Variants in CPNE2 observed in about 807,000 individuals in gnomAD.
CPNE2 encodes copine-2.
CPNE2 carries 42 observed loss-of-function variants against 69.7 expected under a neutral mutation model. The ratio of observed to expected loss-of-function variants is 0.60; its 90% CI spans 0.47 to 0.78. The LOEUF (loss-of-function observed/expected upper bound fraction) is 0.78. CPNE2 is among the 30% of genes least tolerant of loss of function. The pLI, the probability that CPNE2 is intolerant of heterozygous loss-of-function variation, is 0.00. For synonymous variants in CPNE2, 294 were observed against 289.8 expected (o/e 1.01, Z -0.15); for missense variants, 587 against 732.0 (o/e 0.80, Z 2.29).
In CPNE2 at chr16:57,123,631, G is replaced by A. The variant is rs998734433; in HGVS notation, c.927+158G>A. Reference sequence around the variant, plus strand: ...GTGCGGCCTAGTGAGGAGGGCATAAGTGGGCTGTCTGGTCCTGCTGGGTGT... The same window carrying A: ...GTGCGGCCTAGTGAGGAGGGCATAAATGGGCTGTCTGGTCCTGCTGGGTGT... On this transcript the variant is annotated intron_variant, in intron 10 of 15. Coordinates refer to ENST00000290776, the MANE Select transcript of CPNE2 (RefSeq NM_152727.6). 5.4e-6 allele frequency: 4 copies of A among 746,132 alleles called. No homozygotes were observed. In the African/African-American group the frequency reaches 6.9e-5, roughly 13 times the overall value. The allele number at this position is 746,132 out of a possible 1,614,324, so 46.2% of individuals were successfully genotyped here.
intron 1 of CPNE2, among the ~76,000 whole-genome samples, chr16:57,099,599 G>A (rs2069599985): frequency 6.7e-6 from 1 of 149,868 alleles, no homozygotes; most frequent in African/African-American, 2.5e-5. Context: ...GGGGGTGGGT[G>A]CATAGTGCTT....
chr16:57,108,629 A>G (rs1597492147), intron 1 of CPNE2, among the ~76,000 whole-genome samples: 1 of 152,340 alleles, frequency 6.6e-6, no homozygotes, highest in East Asian at 1.9e-4. Flanking sequence ...CTGATGTCTC[A>G]TGGGCAGATG....
rs1364640904 is a variant in CPNE2, at chr16:57,137,784, C to A, written c.1302+502C>A. ...CTGGAATATATGGTAAGCAGCCATC[C>A]CAGGCATCTGCAACCGTGGTCTCCC... On this transcript the variant is annotated intron_variant, in intron 14 of 15. Transcript: ENST00000290776. Among the ~76,000 whole-genome samples the A allele has an allele frequency of 2.0e-5, 3 of 152,174 alleles. No individual in the cohort carries two copies. The South Asian group carries it at 6.2e-4, about 31-fold the overall frequency.
At chr16:57,102,201 C>T (rs1450458413) in intron 1 of CPNE2, among the ~76,000 whole-genome samples, 7 of 152,170 alleles carry the variant, frequency 4.6e-5, no homozygotes, top group African/African-American at 1.4e-4. Context: ...CCACCTGCCT[C>T]GGCCTCCCAA....
In CPNE2 at chr16:57,094,968, G is replaced by A. The variant is rs141146761; in HGVS notation, c.-36+2178G>A. On this transcript the variant is annotated intron_variant, in intron 1 of 15. Transcript: ENST00000290776. ...AGCAGGAGGCATCATCGCCAGGCAC[G>A]GTCCCGATCTGAGAAGCCCTCAGCT... is the stretch of plus-strand genomic sequence containing the variant. Among the ~76,000 whole-genome samples, 977 of 152,232 alleles carry A rather than the reference G, an allele frequency of 6.4e-3. 21 individuals are homozygous for A. Among genetic ancestry groups the A allele is most frequent in the Non-Finnish European group, 5.7e-3 (385 of 68,012 alleles).
At chr16:57,120,304 G>C (rs1211615955) in intron 7 of CPNE2, among the ~76,000 whole-genome samples, 2 of 151,590 alleles carry the variant, frequency 1.3e-5, no homozygotes, top group Non-Finnish European at 2.9e-5. Flanking sequence ...GCCGGGCGCG[G>C]TGGCTCATGC....
chr16:57,125,635 T>C, intron 10 of CPNE2: 1 of 581,876 alleles, frequency 1.7e-6, no homozygotes, highest in Non-Finnish European at 3.0e-6. Context: ...TGTCATCACA[T>C]CTAGGCAGTG....
At chr16:57,119,709 C>A in intron 7 of CPNE2, 59 bp downstream of exon 7, 1 of 1,202,414 alleles carries the variant, frequency 8.3e-7, no homozygotes, top group Non-Finnish European at 1.2e-6. Flanking sequence ...CCCAGTCTAC[C>A]TGAGGCTCCC....
intron 12 of CPNE2, among the ~76,000 whole-genome samples, chr16:57,128,681 G>A (rs1288804090): frequency 2.0e-5 from 3 of 152,176 alleles, no homozygotes; most frequent in African/African-American, 7.2e-5. Flanking sequence ...TGTGAAATAT[G>A]GACTTTTAGT....
intron 11 of CPNE2, among the ~76,000 whole-genome samples, chr16:57,126,729 C>G (rs766941731): frequency 6.6e-5 from 10 of 152,122 alleles, no homozygotes; most frequent in Non-Finnish European, 1.2e-4. Context: ...TGGACTTGGC[C>G]TCCTAGAGAG....
At chr16:57,098,410 G>A (rs1316696970) in intron 1 of CPNE2, among the ~76,000 whole-genome samples, 1 of 152,354 alleles carries the variant, frequency 6.6e-6, no homozygotes, top group East Asian at 1.9e-4. Flanking sequence ...CTCCCCGGGG[G>A]CTGCCTGTCG....
intron 1 of CPNE2, among the ~76,000 whole-genome samples, chr16:57,105,429 G>A (rs1427124883): frequency 1.3e-5 from 2 of 149,568 alleles, no homozygotes; most frequent in African/African-American, 2.5e-5. Context: ...CTATGTGTCC[G>A]GTTTTTTTTT....
intron 10 of CPNE2, chr16:57,124,808 T>C (rs1411010685): frequency 9.3e-6 from 2 of 216,062 alleles, no homozygotes; most frequent in Non-Finnish European, 1.9e-5. Context: ...GTCAGAGGAT[T>C]GGCCTTGCTG....
At chr16:57,094,977 C>T (rs1303731612) in intron 1 of CPNE2, among the ~76,000 whole-genome samples, 1 of 152,208 alleles carries the variant, frequency 6.6e-6, no homozygotes, top group Non-Finnish European at 1.5e-5. Flanking sequence ...CGGTCCCGAT[C>T]TGAGAAGCCC....
chr16:57,102,245 C>T (rs1314957506), intron 1 of CPNE2, among the ~76,000 whole-genome samples: 10 of 152,132 alleles, frequency 6.6e-5, no homozygotes, highest in African/African-American at 1.4e-4. Flanking sequence ...CCACCGCACC[C>T]GCTTGGTGCT....
intron 6 of CPNE2, 102 bp from the exon 7 acceptor site, chr16:57,119,459 C>A: frequency 8.7e-7 from 1 of 1,150,352 alleles, no homozygotes; most frequent in Non-Finnish European, 1.3e-6. Context: ...GGAAGTGTGG[C>A]TGTGGGTCTG....
At chr16:57,120,149 T>C (rs1489820010) in intron 7 of CPNE2, among the ~76,000 whole-genome samples, 1 of 151,906 alleles carries the variant, frequency 6.6e-6, no homozygotes, top group Non-Finnish European at 1.5e-5. Context: ...GGTGCACGCC[T>C]GTAGTCCCAG....
At position 57,146,387 on chromosome 16, in the gene CPNE2, GC is replaced by G. The variant is rs1567329868; in HGVS notation, c.1539+67del. On this transcript the variant is annotated intron_variant, in intron 15 of 15. Transcript: ENST00000290776. This position sits in a 1 kb window ranked among gnomAD's most constrained non-coding sequence, Gnocchi z 4.4. ...CCCAGCCACCATAGCTCATAATCAA[GC>G]TTGAGAGTCTTGGGGTTGTCTGGCC... 1 of 1,356,438 alleles carries G rather than the reference GC, an allele frequency of 7.4e-7. No homozygotes were observed. Among genetic ancestry groups the G allele is most frequent in the East Asian group, 2.5e-5 (1 of 39,774 alleles). The allele number at this position is 1,356,438 out of a possible 1,614,324, so 84.0% of individuals were successfully genotyped here. A position where few individuals can be genotyped will look rare whatever the true frequency, so the allele number is the denominator to read the frequency against.
chr16:57,092,761 G>T lies in CPNE2; in HGVS notation c.-65G>T, dbSNP rs1396431894. 1.3e-5 allele frequency: 2 copies of T among 151,382 alleles called. No homozygotes were observed. The highest frequency in any genetic ancestry group is 3.9e-4 in the East Asian group (2 of 5,144). 9.4% of individuals were successfully genotyped at this position (151,382 alleles called of 1,614,324 possible). A position where few individuals can be genotyped will look rare whatever the true frequency, so the allele number is the denominator to read the frequency against. ...GAGCGCGGGCAGCGGCAGCCGTGCG[G>T]TGAGGGCGGTGGCGCCCGCGGGACC... On this transcript the variant is annotated 5_prime_UTR_variant, in exon 1 of 16. Transcript: ENST00000290776. The surrounding 1 kb of genome is among the most constrained non-coding windows in gnomAD (Gnocchi z 5.3).
Sources: allele counts gnomAD v4.1 joint callset (sites outside exome capture counted in the v4.1 genomes callset), GRCh38; gene constraint gnomAD v4.1.1; non-coding constraint Gnocchi (gnomAD v3.1); transcripts MANE v1.5; gene names NCBI Gene and HGNC (gene_info 2026-07-23, HGNC 2026-07-21).